PTPRD: variants seen among roughly 807,000 people sequenced by gnomAD.
PTPRD encodes receptor-type tyrosine-protein phosphatase delta.
A neutral mutation model predicts 214.5 loss-of-function variants in PTPRD; 34 were observed. The ratio of observed to expected loss-of-function variants is 0.16; its 90% CI spans 0.12 to 0.21. The LOEUF (loss-of-function observed/expected upper bound fraction) is 0.21. Among genes scored for constraint, PTPRD ranks in the 10% least tolerant of loss-of-function variants. PTPRD has a pLI of 1.00. For missense variants in PTPRD, 2,545 were observed against 2,398.7 expected, an observed-to-expected ratio of 1.06 and a Z score of -1.27; for synonymous variants, 1,128 against 845.7, an observed-to-expected ratio of 1.33 and a Z score of -5.79.
intron 2 of PTPRD, among the ~76,000 whole-genome samples, chr9:10,608,841 G>C (rs2080180479): frequency 6.6e-6 from 1 of 152,010 alleles, no homozygotes; most frequent in African/African-American, 2.4e-5. Context: ...TACAAGTACA[G>C]TTAATGTCTA....
intron 8 of PTPRD, among the ~76,000 whole-genome samples, chr9:9,503,477 T>C (rs1332199): frequency 0.87 from 131,974 of 151,380 alleles, 57,864 homozygotes; most frequent in African/African-American, 0.97. Context: ...CGCTCAAGTA[T>C]CTGGGCTCAT....
chr9:9,509,586 A>G (rs931554495), intron 8 of PTPRD, among the ~76,000 whole-genome samples: 5 of 151,456 alleles, frequency 3.3e-5, no homozygotes, highest in African/African-American at 4.8e-5. Flanking sequence ...CTTTCTTGCT[A>G]TATAACAAAC....
At chr9:10,493,165 C>T (rs1477799901) in intron 2 of PTPRD, among the ~76,000 whole-genome samples, 1 of 152,046 alleles carries the variant, frequency 6.6e-6, no homozygotes, top group Non-Finnish European at 1.5e-5. Flanking sequence ...TGAAAATGGG[C>T]ATACTACCTA....
At position 10,146,543 on chromosome 9, in the gene PTPRD, A is replaced by C. The variant is rs142220227; in HGVS notation, c.-544-112753T>G. 3.4e-4 allele frequency among the ~76,000 whole-genome samples: 52 copies of C among 152,296 alleles called. 1 individual carries two copies. The East Asian group carries it at 9.8e-3, about 29-fold the overall frequency. Reference sequence around the variant, plus strand: ...GTTGTGCCAAGAAGCTAAAGATCATAGGTAAGTTGTATTAACATGTCCCTA... The same window carrying C: ...GTTGTGCCAAGAAGCTAAAGATCATCGGTAAGTTGTATTAACATGTCCCTA... On this transcript the variant is annotated intron_variant, in intron 3 of 45. Coordinates refer to ENST00000381196, the MANE Select transcript of PTPRD (RefSeq NM_002839.4).
chr9:8,521,892 A>T (rs2097898770), intron 19 of PTPRD, among the ~76,000 whole-genome samples: 1 of 152,172 alleles, frequency 6.6e-6, no homozygotes, highest in Admixed American at 6.5e-5. Context: ...TATAACAATG[A>T]TTCTATGCAG....
At chr9:9,759,975 T>TG (rs767510449) in intron 6 of PTPRD, among the ~76,000 whole-genome samples, 5 of 152,192 alleles carry the variant, frequency 3.3e-5, no homozygotes, top group Non-Finnish European at 7.3e-5. Flanking sequence ...TCTAACCTGG[T>TG]GTTGTACATT....
intron 7 of PTPRD, among the ~76,000 whole-genome samples, chr9:9,603,216 C>T (rs555076991): frequency 1.1e-4 from 17 of 152,126 alleles, no homozygotes; most frequent in Admixed American, 7.2e-4. Context: ...CAGTTGCTGT[C>T]GGAATAGCTT....
At chr9:9,248,647 A>C (rs1274415211) in intron 9 of PTPRD, among the ~76,000 whole-genome samples, 1 of 152,066 alleles carries the variant, frequency 6.6e-6, no homozygotes, top group Non-Finnish European at 1.5e-5. Flanking sequence ...GGCTGTATAA[A>C]ATAGTTCTAT....
Position 9,951,275 on chromosome 9 carries a change from CT to C in PTPRD, c.-471-12666del, listed in dbSNP as rs540177108. Among the ~76,000 whole-genome samples, 10 of 152,198 alleles carry C rather than the reference CT, an allele frequency of 6.6e-5. 1 individual carries two copies. The East Asian group carries it at 1.9e-3, about 29-fold the overall frequency. The stretch of plus-strand genomic sequence containing the variant: ...CCAATCTAAGGCAAGCTATAAAAGC[CT>C]AAGGGCCTCAATGGCAGTGTTTGAA... On this transcript the variant is annotated intron_variant, in intron 4 of 45. Coordinates refer to ENST00000381196, the MANE Select transcript of PTPRD (RefSeq NM_002839.4).
At chr9:8,948,160 C>G (rs924514991) in intron 11 of PTPRD, among the ~76,000 whole-genome samples, 10 of 150,692 alleles carry the variant, frequency 6.6e-5, no homozygotes, top group African/African-American at 2.0e-4. Context: ...GCTGGGACTA[C>G]AGGTGCATGC....
intron 6 of PTPRD, among the ~76,000 whole-genome samples, chr9:9,738,525 C>A (rs1008324193): frequency 5.0e-5 from 7 of 139,106 alleles, no homozygotes; most frequent in African/African-American, 1.7e-4. Flanking sequence ...CTCACTACAA[C>A]CTCTGCCTCC....
chr9:9,587,211 T>C (rs1393521168), intron 7 of PTPRD, among the ~76,000 whole-genome samples: 2 of 151,988 alleles, frequency 1.3e-5, no homozygotes, highest in Non-Finnish European at 2.9e-5. Context: ...TAAGGAGGCC[T>C]AAATAATAAT....
rs553810557 is a variant in PTPRD at position 10,331,254 on chromosome 9, GGTTTGGAGCAGCA to G, written c.-545+9696_-545+9708del. 4.5e-3 allele frequency among the ~76,000 whole-genome samples: 684 copies of G among 151,984 alleles called. 7 individuals are homozygous for G. Among genetic ancestry groups the G allele is most frequent in the African/African-American group, 0.016 (653 of 41,528 alleles). ...AGTGCTACTGCAATAAAAACAGCAT[GGTTTGGAGCAGCA>G]AAACCATCTGGCCATGGCTTTGGAC... On this transcript the variant is annotated intron_variant, in intron 3 of 45. Coordinates refer to ENST00000381196, the MANE Select transcript of PTPRD (RefSeq NM_002839.4).
At chr9:9,096,517 T>G (rs1254836907) in intron 10 of PTPRD, among the ~76,000 whole-genome samples, 40 of 152,210 alleles carry the variant, frequency 2.6e-4, no homozygotes. Context: ...AATTAGATGT[T>G]AACCTGTAGA....
At chr9:9,276,467 G>A (rs1945690435) in intron 9 of PTPRD, among the ~76,000 whole-genome samples, 2 of 151,238 alleles carry the variant, frequency 1.3e-5, no homozygotes, top group South Asian at 2.1e-4. Context: ...GATGGTCTTG[G>A]CAATTAGATG....
chr9:8,790,982 A>C (rs1209923820), intron 11 of PTPRD, among the ~76,000 whole-genome samples: 1 of 152,168 alleles, frequency 6.6e-6, no homozygotes, highest in Non-Finnish European at 1.5e-5. Flanking sequence ...TATTGAGGAA[A>C]GTGATAGTAG....
intron 11 of PTPRD, among the ~76,000 whole-genome samples, chr9:8,940,407 C>A (rs1372387878): frequency 6.7e-6 from 1 of 148,198 alleles, no homozygotes; most frequent in Non-Finnish European, 1.5e-5. Context: ...CTCAGCCTCC[C>A]GAGAAGCTGG....
At chr9:8,792,988 T>C (rs1015872271) in intron 11 of PTPRD, among the ~76,000 whole-genome samples, 2 of 152,204 alleles carry the variant, frequency 1.3e-5, no homozygotes, top group African/African-American at 2.4e-5. Context: ...AGTGGTACAA[T>C]GCCCCTGCTG....
chr9:8,879,130 C>T (rs2098420421), intron 11 of PTPRD, among the ~76,000 whole-genome samples: 1 of 152,150 alleles, frequency 6.6e-6, no homozygotes, highest in Non-Finnish European at 1.5e-5. Context: ...AGAGAGAGGC[C>T]TGGGTCCCCA....
Sources: allele counts gnomAD v4.1 joint callset (sites outside exome capture counted in the v4.1 genomes callset), GRCh38; gene constraint gnomAD v4.1.1; transcripts MANE v1.5; gene names NCBI Gene and HGNC (gene_info 2026-07-23, HGNC 2026-07-21).